DLG5: variants seen among roughly 807,000 people sequenced by gnomAD.
DLG5 encodes the protein disks large homolog 5.
In DLG5, 48 loss-of-function variants were observed where a neutral mutation model predicts 189.8. The ratio of observed to expected loss-of-function variants is 0.25; its 90% CI spans 0.20 to 0.32. DLG5 has a LOEUF of 0.32. DLG5 is among the 10% of genes least tolerant of loss of function. DLG5 has a pLI of 1.00. For synonymous variants in DLG5, 1,016 were observed against 1,054.1 expected (o/e 0.96, Z 0.70); for missense variants, 2,160 against 2,544.7 (o/e 0.85, Z 3.25).
chr10:77,838,237 G>C (rs142196643), intron 7 of DLG5, among the ~76,000 whole-genome samples: 1 of 152,202 alleles, frequency 6.6e-6, no homozygotes, highest in African/African-American at 2.4e-5. Context: ...TTCTACAGAC[G>C]GAACTCGGTG....
chr10:77,939,292 C>G, the DLG5 span, among the ~76,000 whole-genome samples: 2 of 152,248 alleles, frequency 1.3e-5, no homozygotes, highest in East Asian at 3.9e-4. Context: ...CCTGCCCTGC[C>G]GGTGGGTGCA....
intron 5 of DLG5, among the ~76,000 whole-genome samples, chr10:77,850,766 C>T (rs1843931279): frequency 6.6e-6 from 1 of 152,224 alleles, no homozygotes; most frequent in South Asian, 2.1e-4. Flanking sequence ...CACACGGGCA[C>T]GCGGCGCCAG....
intron 7 of DLG5, among the ~76,000 whole-genome samples, chr10:77,837,456 C>A (rs1373832068): frequency 6.6e-6 from 1 of 152,082 alleles, no homozygotes; most frequent in African/African-American, 2.4e-5. Flanking sequence ...TGGGCAGCTC[C>A]CCCAGCCCAC....
chr10:77,820,039 GTGTC>G, intron 15 of DLG5, 21 bp from the exon 16 acceptor site: 3 of 1,611,990 alleles, frequency 1.9e-6, no homozygotes, highest in Non-Finnish European at 1.7e-6. Context: ...AAGGGCAAGA[GTGTC>G]TGCTAGAAAG....
intron 1 of DLG5, among the ~76,000 whole-genome samples, chr10:77,886,751 G>A (rs999233762): frequency 8.5e-5 from 13 of 152,198 alleles, no homozygotes; most frequent in Non-Finnish European, 1.9e-4. Context: ...GACTGTATTG[G>A]AAGATAAGGT....
rs1399487267 is a variant in DLG5, at chr10:77,819,461, A to G, written c.3531T>C (p.Thr1177=). 3.2e-5 allele frequency: 52 copies of G among 1,612,670 alleles called. No homozygotes were observed. The highest frequency in any genetic ancestry group is 1.8e-4 in the Middle Eastern group (1 of 5,520). Residue 1177 remains threonine (T), a synonymous_variant, in exon 17 of 32, where the codon ACT becomes ACC. Coordinates refer to ENST00000372391, the MANE Select transcript of DLG5 (RefSeq NM_004747.4). The stretch of plus-strand genomic sequence containing the variant: ...TGCTGGGGGTCAAACTCCGGGGAAC[A>G]GTGCCTAGAAATGGGCTTGGTGAGA... ...PLYPSRPSVG[T]VPRSLTPSTT...
chr10:77,851,241 A>T (rs114326699), intron 5 of DLG5, among the ~76,000 whole-genome samples: 1,729 of 152,278 alleles, frequency 0.011, 27 homozygotes, highest in African/African-American at 0.039. Context: ...GGTTAAAAAT[A>T]TTTTTGCCTC....
intron 1 of DLG5, among the ~76,000 whole-genome samples, chr10:77,893,058 C>T (rs1429270887): frequency 6.6e-6 from 1 of 152,258 alleles, no homozygotes; most frequent in African/African-American, 2.4e-5. Flanking sequence ...CTGGCATTGG[C>T]ATTGGCGTGC....
At chr10:77,840,132 C>T (rs537907463) in intron 7 of DLG5, among the ~76,000 whole-genome samples, 10 of 152,168 alleles carry the variant, frequency 6.6e-5, no homozygotes, top group Non-Finnish European at 1.5e-4. Flanking sequence ...AATCCTAGCA[C>T]TTTGGGAGGC....
At chr10:77,869,081 C>A (rs752723332) in intron 2 of DLG5, 48 bp downstream of exon 2, 30 of 1,569,358 alleles carry the variant, frequency 1.9e-5, no homozygotes, top group Non-Finnish European at 2.5e-5. Context: ...TTGGCTTTCA[C>A]CCAGACCCCT....
At chr10:77,894,138 G>T (rs1001156062) in intron 1 of DLG5, among the ~76,000 whole-genome samples, 6 of 152,312 alleles carry the variant, frequency 3.9e-5, no homozygotes, top group African/African-American at 1.4e-4. Flanking sequence ...GTGAGAGGCT[G>T]CACGTGCACA....
At chr10:77,819,225 T>C (rs1404932370) in intron 17 of DLG5, 96 bp downstream of exon 17, 2 of 1,579,268 alleles carry the variant, frequency 1.3e-6, no homozygotes, top group East Asian at 2.2e-5. Flanking sequence ...GCAAGGAAGC[T>C]TCTCCACCAA....
At chr10:77,840,575 C>T (rs1003927568) in intron 7 of DLG5, among the ~76,000 whole-genome samples, 2 of 151,858 alleles carry the variant, frequency 1.3e-5, no homozygotes, top group African/African-American at 2.4e-5. Context: ...AAAAATTAGC[C>T]GGGCGTGGTG....
At chr10:77,866,406 G>C in intron 2 of DLG5, among the ~76,000 whole-genome samples, 1 of 152,186 alleles carries the variant, frequency 6.6e-6, no homozygotes, top group African/African-American at 2.4e-5. Context: ...CAGGCTTTGT[G>C]AGCCACTGGT....
intron 24 of DLG5, among the ~76,000 whole-genome samples, chr10:77,808,681 C>T (rs1481670550): frequency 6.6e-6 from 1 of 152,176 alleles, no homozygotes; most frequent in African/African-American, 2.4e-5. Context: ...TGAGGGCGAG[C>T]ACCCCCTGAT....
At position 77,812,293 on chromosome 10, in the gene DLG5, G is replaced by A. The variant is rs537634112; in HGVS notation, c.4110C>T (p.Gly1370=). Residue 1370 remains glycine, a synonymous_variant, in exon 21 of 32, where the codon GGC becomes GGT. Transcript: ENST00000372391. ...LGISIVSGEK[G]GIYVSKVTVG... ...CGGTCACCTTGGAGACGTAGATGCCGCCCTTCTCTCCACTCACGATGGAGA... is the reference window on the plus strand; with the variant it reads ...CGGTCACCTTGGAGACGTAGATGCCACCCTTCTCTCCACTCACGATGGAGA... The A allele has an allele frequency of 3.1e-5, 50 of 1,614,176 alleles. No individual in the cohort carries two copies. The African/African-American group carries it at 3.6e-4, about 12-fold the overall frequency.
chr10:77,883,524 G>A (rs972807490), intron 1 of DLG5, among the ~76,000 whole-genome samples: 1 of 151,994 alleles, frequency 6.6e-6, no homozygotes, highest in Non-Finnish European at 1.5e-5. Flanking sequence ...GAGCCTGCAG[G>A]ATGTGAGTGA....
In DLG5 at chr10:77,913,653, C is replaced by T. The variant is rs114481497; in HGVS notation, c.304+12564G>A. Among the ~76,000 whole-genome samples, 299 of 152,182 alleles carry T rather than the reference C, an allele frequency of 2.0e-3. 1 individual carries two copies. The highest frequency in any genetic ancestry group is 6.6e-3 in the African/African-American group (275 of 41,528). ...TCCCAGGCTGGAGTGCAGTGGTACA[C>T]TCAGAGCTCACTGCAACCTCAAACT... On this transcript the variant is annotated intron_variant, in intron 1 of 31. Transcript: ENST00000372391.
Position 77,821,458 on chromosome 10 carries a change from G to C in DLG5, c.3026C>G (p.Pro1009Arg). 1.2e-6 allele frequency: 2 copies of C among 1,612,846 alleles called. No individual in the cohort carries two copies. Among genetic ancestry groups the C allele is most frequent in the Non-Finnish European group, 1.7e-6 (2 of 1,179,934 alleles). ...TCTGGGAGGTTTTGGGGGTGTCAGA[G>C]GCCCCGCCCTCTTGGAGGGCTGGGG... ...HSPQPSKRAGPLTPPKPPRRS... is the reference protein window; with the variant it reads ...HSPQPSKRAGRLTPPKPPRRS... Residue 1009 changes from proline (P) to arginine (R), a missense_variant, in exon 15 of 32, where the codon CCT becomes CGT. Physicochemically the swap from Pro to Arg is moderately radical, Grantham distance 103 (BLOSUM62 -2). Coordinates refer to ENST00000372391, the MANE Select transcript of DLG5 (RefSeq NM_004747.4).
Sources: gnomAD v4.1 joint callset for allele counts (sites outside exome capture counted in the v4.1 genomes callset) on GRCh38, gnomAD v4.1.1 for gene constraint, MANE v1.5 for transcripts, NCBI Gene and HGNC (gene_info 2026-07-23, HGNC 2026-07-21) for gene names.